MAK: variants seen among roughly 807,000 people sequenced by gnomAD.
MAK encodes male germ cell associated kinase.
MAK carries 65 observed loss-of-function variants against 82.6 expected under a neutral mutation model. That is an observed-to-expected ratio of 0.79 (90% CI 0.64 to 0.97). MAK has a LOEUF of 0.97. MAK is among the 50% of genes least tolerant of loss of function. The pLI, the probability that MAK is intolerant of heterozygous loss-of-function variation, is 0.00. For missense variants in MAK, 703 were observed against 780.2 expected (o/e 0.90, Z 1.18); for synonymous variants, 250 against 274.2 (o/e 0.91, Z 0.87).
chr6:10,792,194 T>G (rs7766477), intron 9 of MAK, among the ~76,000 whole-genome samples: 34,956 of 152,112 alleles, frequency 0.23, 4,136 homozygotes, highest in East Asian at 0.36. Flanking sequence ...AGTGTCCTCC[T>G]TAAGTGGGGA....
chr6:10,813,558 A>G lies in MAK; in HGVS notation c.358+86T>C. On this transcript the variant is annotated intron_variant, in intron 5 of 14. Transcript: ENST00000354489. ...CAGATTCATAGTTATCCAATATAACAGTTATTTAACAGTTTAATAAATTTG... is the reference window on the plus strand; with the variant it reads ...CAGATTCATAGTTATCCAATATAACGGTTATTTAACAGTTTAATAAATTTG... The G allele has an allele frequency of 3.7e-6, 3 of 801,196 alleles. No individual in the cohort carries two copies. The South Asian group carries it at 4.1e-5, about 11-fold the overall frequency. The allele number at this position is 801,196 out of a possible 1,614,324, so 49.6% of individuals were successfully genotyped here. A position where few individuals can be genotyped will look rare whatever the true frequency, so the allele number is the denominator to read the frequency against.
At chr6:10,771,983 G>A (rs1407111675) in intron 13 of MAK, among the ~76,000 whole-genome samples, 1 of 152,188 alleles carries the variant, frequency 6.6e-6, no homozygotes, top group African/African-American at 2.4e-5. Flanking sequence ...CTTAGCATGT[G>A]TTAAAATTCC....
intron 2 of MAK, among the ~76,000 whole-genome samples, chr6:10,823,181 G>A (rs1406566391): frequency 2.6e-5 from 4 of 152,092 alleles, no homozygotes; most frequent in Non-Finnish European, 5.9e-5. Flanking sequence ...TGCTTCTTCA[G>A]GCCAACTCCC....
intron 6 of MAK, among the ~76,000 whole-genome samples, chr6:10,807,175 T>TA (rs923046366): frequency 1.8e-4 from 28 of 151,768 alleles, no homozygotes; most frequent in African/African-American, 6.8e-4. Flanking sequence ...TTACTCTGCC[T>TA]AAAAAAAATC....
chr6:10,781,592 T>G (rs1177160216), intron 11 of MAK, among the ~76,000 whole-genome samples: 1 of 151,878 alleles, frequency 6.6e-6, no homozygotes, highest in Non-Finnish European at 1.5e-5. Context: ...CCCGGCTAAT[T>G]ACTGTATTTT....
chr6:10,821,348 T>C (rs1189335763), intron 2 of MAK, among the ~76,000 whole-genome samples: 1 of 152,172 alleles, frequency 6.6e-6, no homozygotes. Flanking sequence ...TGATCTCGGC[T>C]CACTGTTACC....
chr6:10,833,183 G>A (rs1778930989), intron 1 of MAK, among the ~76,000 whole-genome samples: 1 of 152,122 alleles, frequency 6.6e-6, no homozygotes, highest in Non-Finnish European at 1.5e-5. Context: ...AGCCTTTCCG[G>A]GAAAAGAAAC....
intron 8 of MAK, among the ~76,000 whole-genome samples, chr6:10,799,050 C>T (rs1489104915): frequency 2.0e-5 from 3 of 152,036 alleles, no homozygotes; most frequent in African/African-American, 4.8e-5. Flanking sequence ...AGGCTGATCT[C>T]AAACTCCTGA....
intron 11 of MAK, among the ~76,000 whole-genome samples, chr6:10,779,907 G>A (rs1581659272): frequency 1.3e-5 from 2 of 152,222 alleles, no homozygotes; most frequent in East Asian, 1.9e-4. Context: ...GGCTGGTCTC[G>A]AATTCCTGAC....
At chr6:10,788,791 T>G (rs568692223) in intron 10 of MAK, among the ~76,000 whole-genome samples, 5 of 152,246 alleles carry the variant, frequency 3.3e-5, no homozygotes, top group Admixed American at 1.3e-4. Flanking sequence ...ACATCAGTGG[T>G]CTTCAAACTC....
Position 10,796,151 on chromosome 6 carries a change from C to T in MAK, c.990G>A (p.Gln330=). The T allele has an allele frequency of 6.2e-7, 1 of 1,614,136 alleles. No individual in the cohort carries two copies. The highest frequency in any genetic ancestry group is 8.5e-7 in the Non-Finnish European group (1 of 1,180,042). The part of the protein sequence containing the change: ...EPKPLPDIID[Q]VVGQPQPKTS... ...TTTTTGGCTGGGGTTGTCCAACAACCTGATCGATTATATCCGGCAGAGGCT... is the reference window on the plus strand; with the variant it reads ...TTTTTGGCTGGGGTTGTCCAACAACTTGATCGATTATATCCGGCAGAGGCT... Residue 330 remains glutamine (Q), a synonymous_variant, in exon 9 of 15, where the codon CAG becomes CAA. Coordinates refer to ENST00000354489, the MANE Select transcript of MAK (RefSeq NM_001242957.3).
chr6:10,836,705 A>G (rs3846839), intron 1 of MAK, among the ~76,000 whole-genome samples: 59,117 of 152,050 alleles, frequency 0.39, 11,970 homozygotes, highest in East Asian at 0.48. Context: ...TTTCTTATGT[A>G]CATGAATATA....
intron 2 of MAK, among the ~76,000 whole-genome samples, chr6:10,823,337 C>A (rs1220103049): frequency 1.3e-5 from 2 of 152,120 alleles, no homozygotes; most frequent in African/African-American, 4.8e-5. Flanking sequence ...CATAGCTGAA[C>A]TTCTCTAATT....
chr6:10,776,120 C>T lies in MAK; in HGVS notation c.1466-661G>A, dbSNP rs1470714291. Among the ~76,000 whole-genome samples the T allele has an allele frequency of 2.6e-5, 4 of 152,048 alleles. No individual in the cohort carries two copies. Among genetic ancestry groups the T allele is most frequent in the South Asian group, 4.1e-4 (2 of 4,828 alleles). ...ACATTTTCATGTCACTTGTTTTGAG[C>T]GTATATTCTTGGCCCAACCCTTGGT... On this transcript the variant is annotated intron_variant, in intron 11 of 14. Coordinates refer to ENST00000354489, the MANE Select transcript of MAK (RefSeq NM_001242957.3). This position sits in a 1 kb window ranked among gnomAD's most constrained non-coding sequence, Gnocchi z 4.3.
At chr6:10,775,843 C>T (rs1773419844) in intron 11 of MAK, among the ~76,000 whole-genome samples, 1 of 152,118 alleles carries the variant, frequency 6.6e-6, no homozygotes, top group African/African-American at 2.4e-5. Context: ...GGCTGGAGTG[C>T]CATGGTGTGA....
intron 10 of MAK, 127 bp from the exon 11 acceptor site, chr6:10,784,699 T>TCC: frequency 1.2e-6 from 1 of 823,864 alleles, no homozygotes; most frequent in Non-Finnish European, 2.0e-6. Context: ...TTAAATGGTT[T>TCC]CCATCAGTCT....
At chr6:10,810,113 AAAG>A (rs1340511258) in intron 5 of MAK, among the ~76,000 whole-genome samples, 1,371 of 135,996 alleles carry the variant, frequency 0.01, 48 homozygotes, top group African/African-American at 0.033. Flanking sequence ...AAAAAAAAAA[AAAG>A]AAAGAAAAGA....
rs755525719 is a variant in MAK at position 10,800,352 on chromosome 6, GTCTTA to G, written c.831+1535_831+1539del. 5.0e-4 allele frequency among the ~76,000 whole-genome samples: 76 copies of G among 151,846 alleles called. No homozygotes were observed. Among genetic ancestry groups the G allele is most frequent in the Middle Eastern group, 6.8e-3 (2 of 292 alleles). On this transcript the variant is annotated intron_variant, in intron 8 of 14. Coordinates refer to ENST00000354489, the MANE Select transcript of MAK (RefSeq NM_001242957.3). The surrounding 1 kb of genome is among the most constrained non-coding windows in gnomAD (Gnocchi z 4.2). ...TTAAGAATTAAAAATAATTTTCTCT[GTCTTA>G]TCTTTCCATTTTAAGATTTTTACAT... is the stretch of plus-strand genomic sequence containing the variant.
intron 8 of MAK, 112 bp downstream of exon 8, chr6:10,801,780 A>G: frequency 1.0e-6 from 1 of 994,318 alleles, no homozygotes; most frequent in Non-Finnish European, 1.6e-6. Flanking sequence ...TTTGTGTTTA[A>G]TTCTCTTAGT....
Sources: gnomAD v4.1 joint callset for allele counts (sites outside exome capture counted in the v4.1 genomes callset) on GRCh38, gnomAD v4.1.1 for gene constraint, Gnocchi (gnomAD v3.1) non-coding constraint, MANE v1.5 for transcripts, NCBI Gene and HGNC (gene_info 2026-07-23, HGNC 2026-07-21) for gene names.